IBTK: variants seen among roughly 807,000 people sequenced by gnomAD.
The protein encoded by IBTK is BTK-binding protein.
In IBTK, 83 loss-of-function variants were observed where a neutral mutation model predicts 154.9. The observed-to-expected ratio is 0.54, with a 90% CI of 0.45 to 0.64. IBTK has a LOEUF of 0.64. Ranked by LOEUF, IBTK falls within the 30% of genes least tolerant of loss-of-function variation. The pLI, the probability that IBTK is intolerant of heterozygous loss-of-function variation, is 0.00. For missense variants in IBTK, 1,332 were observed against 1,584.6 expected, an observed-to-expected ratio of 0.84 and a Z score of 2.71; for synonymous variants, 515 against 536.1, an observed-to-expected ratio of 0.96 and a Z score of 0.54.
chr6:82,177,870 T>G (rs77344889), intron 26 of IBTK, among the ~76,000 whole-genome samples: 3,142 of 152,236 alleles, frequency 0.021, 121 homozygotes, highest in African/African-American at 0.07. Flanking sequence ...AATTTCATTC[T>G]TATTCTGTCA....
intron 16 of IBTK, among the ~76,000 whole-genome samples, chr6:82,207,456 GAC>G (rs1442456453): frequency 3.3e-5 from 5 of 152,210 alleles, no homozygotes; most frequent in African/African-American, 1.2e-4. Flanking sequence ...TAAATGGAAA[GAC>G]AGCTGGTGTT....
intron 26 of IBTK, among the ~76,000 whole-genome samples, chr6:82,173,912 A>AT (rs1225870960): frequency 6.6e-6 from 1 of 152,168 alleles, no homozygotes; most frequent in African/African-American, 2.4e-5. Flanking sequence ...CACACTGGCT[A>AT]TAACAACTAT....
At chr6:82,224,028 C>T (rs773633165) in intron 7 of IBTK, 40 bp downstream of exon 7, 1 of 1,045,052 alleles carries the variant, frequency 9.6e-7, no homozygotes, top group Non-Finnish European at 1.5e-6. Context: ...TTTAAAGAGT[C>T]CAATTTAATT....
intron 2 of IBTK, among the ~76,000 whole-genome samples, chr6:82,237,242 A>T (rs1770749133): frequency 6.6e-6 from 1 of 152,062 alleles, no homozygotes; most frequent in Non-Finnish European, 1.5e-5. Context: ...ACTTTCCAGC[A>T]GAAACTGAAA....
intron 1 of IBTK, among the ~76,000 whole-genome samples, chr6:82,244,165 C>T (rs1345543269): frequency 6.6e-6 from 1 of 152,162 alleles, no homozygotes; most frequent in Non-Finnish European, 1.5e-5. Flanking sequence ...AACTACCTAA[C>T]ATGGTACCTG....
At chr6:82,171,943 C>A (rs1442007255) in intron 28 of IBTK, among the ~76,000 whole-genome samples, 1 of 152,190 alleles carries the variant, frequency 6.6e-6, no homozygotes, top group Non-Finnish European at 1.5e-5. Context: ...TGTTTCCAAG[C>A]CTGGCTGTCT....
intron 3 of IBTK, among the ~76,000 whole-genome samples, chr6:82,233,694 T>C (rs1035721892): frequency 6.6e-6 from 1 of 150,592 alleles, no homozygotes; most frequent in Non-Finnish European, 1.5e-5. Context: ...TGCACCTTAA[T>C]GGAATACATT....
chr6:82,213,559 G>GT (rs1769735335), intron 12 of IBTK, among the ~76,000 whole-genome samples: 2 of 152,162 alleles, frequency 1.3e-5, no homozygotes, highest in African/African-American at 4.8e-5. Context: ...AGAAACTGAA[G>GT]TAAGAAGGAT....
chr6:82,210,712 T>A, intron 16 of IBTK, 102 bp downstream of exon 16: 4 of 491,832 alleles, frequency 8.1e-6, no homozygotes. Context: ...AAATTAAGCC[T>A]TTATTGATGG....
intron 25 of IBTK, among the ~76,000 whole-genome samples, chr6:82,189,185 A>C (rs1285632341): frequency 1.3e-5 from 2 of 152,134 alleles, no homozygotes; most frequent in Non-Finnish European, 2.9e-5. Context: ...TGCTGTTGCC[A>C]ATTAAAAGAG....
At chr6:82,210,568 T>C (rs1769597668) in intron 16 of IBTK, 1 of 176,310 alleles carries the variant, frequency 5.7e-6, no homozygotes, top group South Asian at 1.9e-4. Context: ...GCTCACGCTA[T>C]AATCCTAGCA....
chr6:82,194,019 T>A (rs978745481), intron 23 of IBTK, among the ~76,000 whole-genome samples: 7 of 151,978 alleles, frequency 4.6e-5, no homozygotes, highest in African/African-American at 1.4e-4. Flanking sequence ...AAAATATATA[T>A]ATAATATAGG....
At position 82,196,373 on chromosome 6, in the gene IBTK, G is replaced by A; in HGVS notation, c.3099C>T (p.Ser1033=). ...PELLTSDSEG[S]YAGVGSPRDL... is the part of the protein sequence containing the mutation. The stretch of plus-strand genomic sequence containing the variant: ...CTCTAGGACTACCCACTCCTGCATA[G>A]CTTCCTTCAGAGTCTGATGTCAACA... The change falls in exon 22 of 29, where the codon AGC becomes AGT. Residue 1033 remains serine, a synonymous_variant. Transcript: ENST00000306270. The A allele has an allele frequency of 6.2e-7, 1 of 1,612,488 alleles. No homozygotes were observed. Among genetic ancestry groups the A allele is most frequent in the African/African-American group, 1.3e-5 (1 of 75,004 alleles).
intron 25 of IBTK, among the ~76,000 whole-genome samples, chr6:82,188,373 T>C (rs1308914527): frequency 6.6e-6 from 1 of 152,240 alleles, no homozygotes; most frequent in Non-Finnish European, 1.5e-5. Flanking sequence ...CACACTGTTG[T>C]ATTTAGTCAT....
rs375872671 is a variant in IBTK, at chr6:82,242,936, AAAAAC to A, written c.-357-2098_-357-2094del. ...TGGTGACAAAGCAAGACTCTGTCTC[AAAAAC>A]AAAACAAAACAAAACAAAAGACGGG... On this transcript the variant is annotated intron_variant, in intron 1 of 28. Transcript: ENST00000306270. Among the ~76,000 whole-genome samples the A allele has an allele frequency of 9.6e-3, 1,444 of 151,188 alleles. 24 individuals are homozygous for A. The highest frequency in any genetic ancestry group is 0.031 in the African/African-American group (1,252 of 41,030).
chr6:82,211,306 C>G (rs1474920980), intron 15 of IBTK, 61 bp downstream of exon 15: 1 of 1,351,710 alleles, frequency 7.4e-7, no homozygotes, highest in African/African-American at 1.5e-5. Flanking sequence ...TTACTACATA[C>G]TTTGCACAAA....
In IBTK at chr6:82,173,402, G is replaced by A. The variant is rs758676044; in HGVS notation, c.3762C>T (p.Asn1254=). The A allele has an allele frequency of 1.4e-5, 22 of 1,613,552 alleles. No individual in the cohort carries two copies. The highest frequency in any genetic ancestry group is 1.8e-5 in the Non-Finnish European group (21 of 1,179,652). The change falls in exon 27 of 29, where the codon AAC becomes AAT. Residue 1254 remains asparagine (N), a synonymous_variant. Coordinates refer to ENST00000306270, the MANE Select transcript of IBTK (RefSeq NM_015525.4). ...STHGTPGPEG[N]HISDLPLLDS... is the part of the protein sequence containing the mutation. ...CTAGAAGTGGTAAATCTGAAATATGGTTGCCTTCTGGTCCTGGGGTACCAT... is the reference window on the plus strand; with the variant it reads ...CTAGAAGTGGTAAATCTGAAATATGATTGCCTTCTGGTCCTGGGGTACCAT...
intron 24 of IBTK, 140 bp downstream of exon 24, chr6:82,191,646 AG>A (rs1562077937): frequency 1.4e-6 from 1 of 710,504 alleles, no homozygotes; most frequent in Admixed American, 2.0e-5. Context: ...AATATTATGG[AG>A]GCTAAATTGC....
chr6:82,233,949 G>A (rs186594063), intron 3 of IBTK, among the ~76,000 whole-genome samples: 64 of 152,162 alleles, frequency 4.2e-4, no homozygotes, highest in African/African-American at 1.3e-3. Flanking sequence ...GGTCAGGCTC[G>A]AACTCCTGAC....
Sources: gnomAD v4.1 joint callset for allele counts (sites outside exome capture counted in the v4.1 genomes callset) on GRCh38, gnomAD v4.1.1 for gene constraint, MANE v1.5 for transcripts, NCBI Gene and HGNC (gene_info 2026-07-23, HGNC 2026-07-21) for gene names.